OPCML: variants seen among roughly 807,000 people sequenced by gnomAD.
OPCML encodes opioid-binding protein/cell adhesion molecule.
A neutral mutation model predicts 37.8 loss-of-function variants in OPCML; 13 were observed. The ratio of observed to expected loss-of-function variants is 0.34; its 90% CI spans 0.22 to 0.55. OPCML has a LOEUF of 0.55. Ranked by LOEUF, OPCML falls within the 20% of genes least tolerant of loss-of-function variation. The pLI is 0.91. For synonymous variants in OPCML, 176 were observed against 168.8 expected, an observed-to-expected ratio of 1.04 and a Z score of -0.33; for missense variants, 341 against 435.6, an observed-to-expected ratio of 0.78 and a Z score of 1.93.
intron 1 of OPCML, among the ~76,000 whole-genome samples, chr11:132,946,739 G>A (rs1401167801): frequency 6.6e-6 from 1 of 152,208 alleles, no homozygotes; most frequent in Non-Finnish European, 1.5e-5. Context: ...GAGTTGTGAT[G>A]CAGAGAGGAG....
intron 2 of OPCML, among the ~76,000 whole-genome samples, chr11:132,670,681 T>G (rs1942434356): frequency 6.6e-6 from 1 of 152,142 alleles, no homozygotes; most frequent in Admixed American, 6.5e-5. Context: ...TTGGAAATAA[T>G]ATTTGTAAAA....
At chr11:133,096,200 G>A (rs1003593288) in intron 1 of OPCML, among the ~76,000 whole-genome samples, 37 of 151,266 alleles carry the variant, frequency 2.4e-4, no homozygotes, top group South Asian at 6.3e-4. Context: ...CAATGGATGG[G>A]GAATAAATGA....
chr11:132,798,702 T>C (rs1202936932), intron 2 of OPCML, among the ~76,000 whole-genome samples: 1 of 152,240 alleles, frequency 6.6e-6, no homozygotes, highest in African/African-American at 2.4e-5. Flanking sequence ...ACAAACGTTC[T>C]TTATGGGATC....
At chr11:133,317,070 T>C (rs1943220173) in intron 1 of OPCML, among the ~76,000 whole-genome samples, 1 of 152,134 alleles carries the variant, frequency 6.6e-6, no homozygotes, top group Admixed American at 6.5e-5. Context: ...TGGTGGCGAA[T>C]GCCTGTAGTC....
At chr11:132,524,892 A>G (rs1054218571) in intron 4 of OPCML, among the ~76,000 whole-genome samples, 1 of 152,198 alleles carries the variant, frequency 6.6e-6, no homozygotes, top group African/African-American at 2.4e-5. Context: ...TTTGTGAAAC[A>G]AATATACCTG....
intron 1 of OPCML, among the ~76,000 whole-genome samples, chr11:133,511,471 C>T (rs977414391): frequency 3.3e-5 from 5 of 152,140 alleles, no homozygotes; most frequent in Admixed American, 6.5e-5. Context: ...GCTTACTCTG[C>T]TTGAGCCTCA....
intron 3 of OPCML, among the ~76,000 whole-genome samples, chr11:132,646,014 C>A (rs1263708735): frequency 6.6e-6 from 1 of 151,664 alleles, no homozygotes; most frequent in Non-Finnish European, 1.5e-5. Context: ...GGGGATTACA[C>A]AAGGACAAAC....
intron 1 of OPCML, among the ~76,000 whole-genome samples, chr11:133,352,583 T>C (rs1463621215): frequency 3.9e-5 from 6 of 152,192 alleles, no homozygotes; most frequent in African/African-American, 7.2e-5. Context: ...AGGATGTAAA[T>C]AGGGAATCTT....
At chr11:133,142,840 A>T (rs886590653) in intron 1 of OPCML, among the ~76,000 whole-genome samples, 2 of 152,038 alleles carry the variant, frequency 1.3e-5, no homozygotes, top group Non-Finnish European at 2.9e-5. Context: ...AAGGACTATG[A>T]GAAGGCACTT....
intron 2 of OPCML, among the ~76,000 whole-genome samples, chr11:132,855,632 A>C (rs1942025875): frequency 6.6e-6 from 1 of 152,156 alleles, no homozygotes; most frequent in African/African-American, 2.4e-5. Flanking sequence ...GCTACTGTGG[A>C]AGCTATTCCT....
At chr11:133,298,066 C>T (rs1164027880) in intron 1 of OPCML, 1 of 152,214 alleles carries the variant, frequency 6.6e-6, no homozygotes, top group Non-Finnish European at 1.5e-5. Context: ...TCTTCTTACT[C>T]CTCCTTCTTC....
At chr11:133,276,862 C>T (rs1942010824) in intron 1 of OPCML, among the ~76,000 whole-genome samples, 2 of 152,170 alleles carry the variant, frequency 1.3e-5, no homozygotes, top group Admixed American at 1.3e-4. Flanking sequence ...TACTTAAGAT[C>T]TTTGAAAGAC....
At chr11:132,776,522 C>T (rs61906869) in intron 2 of OPCML, among the ~76,000 whole-genome samples, 1 of 151,966 alleles carries the variant, frequency 6.6e-6, no homozygotes. Flanking sequence ...TAAGTGAGTT[C>T]TTACTCAGTT....
chr11:132,465,487 T>A (rs1381541794), intron 4 of OPCML, among the ~76,000 whole-genome samples: 1 of 152,144 alleles, frequency 6.6e-6, no homozygotes, highest in Non-Finnish European at 1.5e-5. Context: ...CCACTTGTAT[T>A]TTTTTACTGT....
intron 1 of OPCML, among the ~76,000 whole-genome samples, chr11:133,027,374 G>T (rs1947573048): frequency 6.6e-6 from 1 of 152,082 alleles, no homozygotes; most frequent in South Asian, 2.1e-4. Context: ...CTAAGTTCAG[G>T]TAACAAAGAA....
intron 4 of OPCML, among the ~76,000 whole-genome samples, chr11:132,508,668 G>T (rs2096262589): frequency 6.6e-6 from 1 of 152,092 alleles, no homozygotes; most frequent in African/African-American, 2.4e-5. Flanking sequence ...GAGATCTAAT[G>T]GGCAATTATT....
At chr11:133,449,836 T>G (rs1326402381) in intron 1 of OPCML, among the ~76,000 whole-genome samples, 1 of 151,702 alleles carries the variant, frequency 6.6e-6, no homozygotes, top group Non-Finnish European at 1.5e-5. Flanking sequence ...AAACATGCAT[T>G]TTGTCGGGGG....
At chr11:132,752,897 A>G (rs1945887634) in intron 2 of OPCML, among the ~76,000 whole-genome samples, 1 of 152,148 alleles carries the variant, frequency 6.6e-6, no homozygotes, top group Non-Finnish European at 1.5e-5. Context: ...CAATTTGTCC[A>G]CTTCTTCATT....
intron 1 of OPCML, among the ~76,000 whole-genome samples, chr11:133,132,131 C>A (rs1209308257): frequency 6.6e-6 from 1 of 152,090 alleles, no homozygotes; most frequent in Non-Finnish European, 1.5e-5. Context: ...TCAAATCATA[C>A]AGCTAATAAA....
Sources: allele counts gnomAD v4.1 joint callset (sites outside exome capture counted in the v4.1 genomes callset), GRCh38; gene constraint gnomAD v4.1.1; transcripts MANE v1.5; gene names NCBI Gene and HGNC (gene_info 2026-07-23, HGNC 2026-07-21).